The following KCNQ3 variants were observed in gnomAD, a reference collection of about 807,000 sequenced individuals.
The protein encoded by KCNQ3 is potassium voltage-gated channel subfamily Q member 3, also known as potassium voltage-gated channel subfamily KQT member 3.
A neutral mutation model predicts 92.5 loss-of-function variants in KCNQ3; 30 were observed. The observed-to-expected ratio is 0.32, with a 90% confidence interval of 0.24 to 0.44. The LOEUF (loss-of-function observed/expected upper bound fraction) is 0.44, where lower values mean the gene tolerates loss of function less well. KCNQ3 is among the 20% of genes least tolerant of loss of function. The pLI is 1.00. For synonymous variants in KCNQ3, 450 were observed against 468.8 expected, an observed-to-expected ratio of 0.96 and a Z score of 0.52; for missense variants, 913 against 1,140.3, an observed-to-expected ratio of 0.80 and a Z score of 2.87.
intron 1 of KCNQ3, among the ~76,000 whole-genome samples, chr8:132,187,899 G>GATA (rs1158919341): frequency 2.8e-4 from 24 of 85,088 alleles, no homozygotes; most frequent in Non-Finnish European, 5.0e-4. Context: ...TGGTGGTGGT[G>GATA]GTGATGGTGG....
chr8:132,323,952 T>C (rs1817967474), intron 1 of KCNQ3, among the ~76,000 whole-genome samples: 1 of 152,196 alleles, frequency 6.6e-6, no homozygotes, highest in African/African-American at 2.4e-5. Context: ...GTCTGACCCT[T>C]GACGATCTCT....
At chr8:132,323,621 T>C (rs1817957669) in intron 1 of KCNQ3, among the ~76,000 whole-genome samples, 1 of 152,206 alleles carries the variant, frequency 6.6e-6, no homozygotes, top group African/African-American at 2.4e-5. Context: ...ATTGCTCGTT[T>C]CCATCCTCTC....
chr8:132,383,319 G>A (rs2130758273), intron 1 of KCNQ3, among the ~76,000 whole-genome samples: 1 of 152,340 alleles, frequency 6.6e-6, no homozygotes, highest in Admixed American at 6.5e-5. Context: ...AATGGCTTGT[G>A]CAGTGAGTTT....
At chr8:132,380,894 C>T (rs188158776) in intron 1 of KCNQ3, among the ~76,000 whole-genome samples, 8 of 126,938 alleles carry the variant, frequency 6.3e-5, no homozygotes, top group African/African-American at 2.4e-4. Context: ...TGGGCAGGAA[C>T]TAATACCTTC....
rs1401533368 is a variant in KCNQ3, at chr8:132,127,805, T to C, written c.*1457A>G. On this transcript the variant is annotated 3_prime_UTR_variant, in exon 15 of 15. Transcript: ENST00000388996. ...ATCTCATAAGAGGCCAGAGGATGGC[T>C]TGTGCTTAATATCACACCTGTACAG... 6.6e-6 allele frequency: 1 copy of C among 152,254 alleles called. No individual in the cohort carries two copies. The highest frequency in any genetic ancestry group is 6.5e-5 in the Admixed American group (1 of 15,292). The allele number at this position is 152,254 out of a possible 1,614,324, so 9.4% of individuals were successfully genotyped here.
At chr8:132,227,294 T>A (rs1321823311) in intron 1 of KCNQ3, among the ~76,000 whole-genome samples, 2 of 152,084 alleles carry the variant, frequency 1.3e-5, no homozygotes, top group African/African-American at 4.8e-5. Context: ...TCTCCTGATC[T>A]CATGATCTTC....
chr8:132,192,218 G>A (rs188509423), intron 1 of KCNQ3, among the ~76,000 whole-genome samples: 6 of 152,344 alleles, frequency 3.9e-5, no homozygotes, highest in Admixed American at 3.9e-4. Flanking sequence ...CAGAGGCCCG[G>A]CGTAGCCCCG....
chr8:132,137,920 G>A lies in KCNQ3; in HGVS notation c.1665C>T (p.Leu555=), dbSNP rs143511163. 133 of 1,613,966 alleles carry A rather than the reference G, an allele frequency of 8.2e-5. 1 individual carries two copies. In the East Asian group the frequency reaches 2.1e-3, roughly 26 times the overall value. Residue 555 remains leucine (L), a synonymous_variant, in exon 12 of 15, where the codon CTC becomes CTT. Coordinates refer to ENST00000388996, the MANE Select transcript of KCNQ3 (RefSeq NM_004519.4). ...DVIEQYSAGH[L]DMLSRIKYLQ... is the part of the protein sequence containing the mutation. ...GGTACTTTATCCTGGAAAGCATGTC[G>A]AGATGCCCGGCAGAATACTGCTCAA... is the stretch of plus-strand genomic sequence containing the variant.
At chr8:132,295,590 T>A (rs1224259762) in intron 1 of KCNQ3, among the ~76,000 whole-genome samples, 1 of 152,224 alleles carries the variant, frequency 6.6e-6, no homozygotes, top group Non-Finnish European at 1.5e-5. Context: ...ATGTGTATGT[T>A]CATTGCAGCA....
chr8:132,425,565 A>G (rs1821088269), intron 1 of KCNQ3, among the ~76,000 whole-genome samples: 1 of 152,136 alleles, frequency 6.6e-6, no homozygotes, highest in Non-Finnish European at 1.5e-5. Flanking sequence ...GTTTTTTTAA[A>G]TCAATGTTAT....
chr8:132,274,568 T>C (rs554519197), intron 1 of KCNQ3, among the ~76,000 whole-genome samples: 2 of 152,224 alleles, frequency 1.3e-5, no homozygotes, highest in Non-Finnish European at 2.9e-5. Flanking sequence ...GCTCCCCTCC[T>C]TGAGCCTCCA....
intron 1 of KCNQ3, among the ~76,000 whole-genome samples, chr8:132,435,308 G>T (rs1235071125): frequency 6.6e-6 from 1 of 152,204 alleles, no homozygotes; most frequent in Non-Finnish European, 1.5e-5. Flanking sequence ...GTAAAGGAAT[G>T]GTACAAGAAC....
At chr8:132,450,135 T>C (rs2597350) in intron 1 of KCNQ3, among the ~76,000 whole-genome samples, 91,350 of 152,056 alleles carry the variant, frequency 0.6, 28,456 homozygotes, top group East Asian at 0.75. Flanking sequence ...GGGACCCGAG[T>C]GGGTTGCCAC....
chr8:132,306,117 C>G (rs1817414543), intron 1 of KCNQ3, among the ~76,000 whole-genome samples: 1 of 152,150 alleles, frequency 6.6e-6, no homozygotes, highest in African/African-American at 2.4e-5. Flanking sequence ...AGTGTGGGAA[C>G]ATAGACCTTT....
chr8:132,132,400 C>A, intron 13 of KCNQ3, 136 bp from the exon 14 acceptor site: 1 of 735,570 alleles, frequency 1.4e-6, no homozygotes, highest in South Asian at 1.5e-5. Flanking sequence ...GAGCACCAAT[C>A]AACTCTGGAG....
At chr8:132,462,633 T>C (rs1036731961) in intron 1 of KCNQ3, among the ~76,000 whole-genome samples, 1 of 152,212 alleles carries the variant, frequency 6.6e-6, no homozygotes, top group Non-Finnish European at 1.5e-5. Flanking sequence ...GCATTCAGAA[T>C]ATCTGAAGCC....
intron 1 of KCNQ3, among the ~76,000 whole-genome samples, chr8:132,217,542 C>G (rs1814077522): frequency 6.6e-6 from 1 of 151,894 alleles, no homozygotes; most frequent in Admixed American, 6.6e-5. Context: ...AACCCCGTCT[C>G]TACTAAAAAT....
chr8:132,384,823 C>T (rs1819849969), intron 1 of KCNQ3, among the ~76,000 whole-genome samples: 1 of 152,126 alleles, frequency 6.6e-6, no homozygotes, highest in South Asian at 2.1e-4. Flanking sequence ...CTCTTGCTGC[C>T]CCACTTTCCC....
chr8:132,365,655 A>G (rs1301636773), intron 1 of KCNQ3, among the ~76,000 whole-genome samples: 1 of 152,262 alleles, frequency 6.6e-6, no homozygotes, highest in Non-Finnish European at 1.5e-5. Context: ...GTTGTCAAGT[A>G]AATGAATGCT....
Sources: allele counts gnomAD v4.1 joint callset (sites outside exome capture counted in the v4.1 genomes callset), GRCh38; gene constraint gnomAD v4.1.1; transcripts MANE v1.5; gene names NCBI Gene and HGNC (gene_info 2026-07-23, HGNC 2026-07-21).